Variants in C12orf75 observed in about 807,000 individuals in gnomAD.
C12orf75 encodes chromosome 12 open reading frame 75.
A neutral mutation model predicts 11.4 loss-of-function variants in C12orf75; 4 were observed. The ratio of observed to expected loss-of-function variants is 0.35; its 90% CI spans 0.17 to 0.80. C12orf75 has a LOEUF of 0.80. C12orf75 is among the 30% of genes least tolerant of loss of function. C12orf75 has a pLI of 0.52. For missense variants in C12orf75, 89 were observed against 80.4 expected, an observed-to-expected ratio of 1.11 and a Z score of -0.41; for synonymous variants, 30 against 30.0, an observed-to-expected ratio of 1.00 and a Z score of 0.00.
chr12:105,362,129 G>C (rs955336325), intron 2 of C12orf75, among the ~76,000 whole-genome samples: 1 of 151,960 alleles, frequency 6.6e-6, no homozygotes, highest in South Asian at 2.1e-4. Flanking sequence ...GCTCACGCCT[G>C]TAATCCCAGC....
At chr12:105,354,979 G>T (rs1351796817) in intron 2 of C12orf75, among the ~76,000 whole-genome samples, 1 of 151,740 alleles carries the variant, frequency 6.6e-6, no homozygotes, top group Non-Finnish European at 1.5e-5. Flanking sequence ...TCGAAAGGAG[G>T]ATTTTTTTTT....
chr12:105,366,174 C>T (rs1262095012), intron 3 of C12orf75: 1 of 345,114 alleles, frequency 2.9e-6, no homozygotes, highest in Non-Finnish European at 5.3e-6. Context: ...AACTGCACTC[C>T]ACCCTCATTT....
At chr12:105,369,908 T>G (rs1395025149) in intron 5 of C12orf75, among the ~76,000 whole-genome samples, 1 of 152,220 alleles carries the variant, frequency 6.6e-6, no homozygotes, top group Non-Finnish European at 1.5e-5. Flanking sequence ...GAGATGACTT[T>G]AGAAAAGAGA....
chr12:105,331,152 C>A (rs967231554), intron 1 of C12orf75, among the ~76,000 whole-genome samples: 15 of 152,090 alleles, frequency 9.9e-5, no homozygotes, highest in African/African-American at 3.6e-4. Flanking sequence ...TGCGGGGCGT[C>A]TCTGCCGAGG....
chr12:105,351,447 A>T (rs1420404970), intron 2 of C12orf75, among the ~76,000 whole-genome samples: 1 of 152,078 alleles, frequency 6.6e-6, no homozygotes, highest in African/African-American at 2.4e-5. Context: ...AATTTTTACT[A>T]CTCGTTTTTC....
chr12:105,366,451 C>T, intron 3 of C12orf75, 166 bp from the exon 4 acceptor site: 1 of 402,364 alleles, frequency 2.5e-6, no homozygotes, highest in Admixed American at 4.3e-5. Flanking sequence ...TCTTTTTAAC[C>T]TAGGAAACCA....
At chr12:105,361,058 G>T (rs370101810) in intron 2 of C12orf75, among the ~76,000 whole-genome samples, 18 of 152,218 alleles carry the variant, frequency 1.2e-4, no homozygotes, top group Admixed American at 4.6e-4. Context: ...TTAAAGGTGT[G>T]AGCCACCGCG....
chr12:105,362,283 G>A (rs1241105463), intron 2 of C12orf75, among the ~76,000 whole-genome samples: 1 of 150,258 alleles, frequency 6.7e-6, no homozygotes, highest in Non-Finnish European at 1.5e-5. Context: ...TACTTGGGAG[G>A]CTGAGGCAGG....
intron 1 of C12orf75, among the ~76,000 whole-genome samples, chr12:105,338,333 C>T (rs1245136797): frequency 6.6e-6 from 1 of 152,132 alleles, no homozygotes; most frequent in Non-Finnish European, 1.5e-5. Flanking sequence ...CACCACCGCA[C>T]CCAGCTAATT....
intron 2 of C12orf75, among the ~76,000 whole-genome samples, chr12:105,349,610 G>A (rs975407826): frequency 5.3e-5 from 8 of 152,282 alleles, no homozygotes; most frequent in South Asian, 4.1e-4. Context: ...GTATGGTGGC[G>A]CATGCCTGTA....
chr12:105,368,566 A>AT (rs1566143930), intron 5 of C12orf75, among the ~76,000 whole-genome samples: 1 of 152,068 alleles, frequency 6.6e-6, no homozygotes, highest in Non-Finnish European at 1.5e-5. Flanking sequence ...CATACTATTA[A>AT]TTTTTTTTGA....
At chr12:105,337,440 C>T (rs1160260630) in intron 1 of C12orf75, among the ~76,000 whole-genome samples, 6 of 151,970 alleles carry the variant, frequency 3.9e-5, no homozygotes, top group South Asian at 2.1e-4. Flanking sequence ...TCTGAGAATT[C>T]GGAGGCTAGG....
intron 2 of C12orf75, among the ~76,000 whole-genome samples, chr12:105,363,043 G>T (rs147300047): frequency 1.0e-3 from 152 of 152,196 alleles, no homozygotes; most frequent in Non-Finnish European, 1.7e-3. Context: ...TTCACAGGAA[G>T]TGTTTTTGAC....
chr12:105,357,778 CTG>C (rs67643973), intron 2 of C12orf75, among the ~76,000 whole-genome samples: 33,587 of 137,106 alleles, frequency 0.24, 5,020 homozygotes, highest in East Asian at 0.59. Flanking sequence ...AATGTATTTT[CTG>C]TGTGTGTGTG....
intron 1 of C12orf75, among the ~76,000 whole-genome samples, chr12:105,341,476 C>T (rs1281310107): frequency 6.6e-6 from 1 of 152,194 alleles, no homozygotes; most frequent in Non-Finnish European, 1.5e-5. Context: ...TTCCAGGTTG[C>T]CACACTTCTG....
intron 1 of C12orf75, among the ~76,000 whole-genome samples, chr12:105,346,012 C>T (rs553782047): frequency 1.3e-5 from 2 of 152,190 alleles, no homozygotes; most frequent in South Asian, 2.1e-4. Context: ...GCTTCATCTG[C>T]AAAATAAAAC....
intron 5 of C12orf75, among the ~76,000 whole-genome samples, chr12:105,369,709 G>C (rs934819867): frequency 7.9e-5 from 12 of 152,042 alleles, no homozygotes; most frequent in African/African-American, 2.7e-4. Flanking sequence ...AACATGCGAT[G>C]TTTAGCTGTC....
intron 2 of C12orf75, among the ~76,000 whole-genome samples, chr12:105,363,076 A>G (rs1270139200): frequency 8.1e-6 from 1 of 123,160 alleles, no homozygotes; most frequent in African/African-American, 3.8e-5. Flanking sequence ...CTACCTGAGA[A>G]GCAGAGTGGT....
At chr12:105,345,230 T>G (rs556100912) in intron 1 of C12orf75, among the ~76,000 whole-genome samples, 1 of 152,304 alleles carries the variant, frequency 6.6e-6, no homozygotes, top group South Asian at 2.1e-4. Flanking sequence ...GGCTCATGTC[T>G]GTAACCCTAA....
Sources: allele counts gnomAD v4.1 joint callset (sites outside exome capture counted in the v4.1 genomes callset), GRCh38; gene constraint gnomAD v4.1.1; transcripts MANE v1.5; gene names NCBI Gene and HGNC (gene_info 2026-07-23, HGNC 2026-07-21).